Variants in TENM3 observed in about 807,000 individuals in gnomAD.
TENM3 encodes teneurin transmembrane protein 3.
Under a neutral mutation model 255.1 loss-of-function variants are expected in TENM3, and 63 were observed. The observed-to-expected ratio is 0.25, with a 90% confidence interval of 0.20 to 0.30. The LOEUF (loss-of-function observed/expected upper bound fraction) is 0.30, where lower values mean the gene tolerates loss of function less well. Ranked by LOEUF, TENM3 falls within the 10% of genes least tolerant of loss-of-function variation. The probability of loss-of-function intolerance (pLI) is 1.00; values close to 1 mark genes in which losing one functional copy is unlikely to be tolerated. For missense variants in TENM3, 2,929 were observed against 3,461.1 expected (o/e 0.85, Z 3.86); for synonymous variants, 1,306 against 1,322.3 (o/e 0.99, Z 0.27).
the TENM3 span, among the ~76,000 whole-genome samples, chr4:181,463,511 A>G: frequency 6.6e-6 from 1 of 152,224 alleles, no homozygotes; most frequent in African/African-American, 2.4e-5. Flanking sequence ...GGTAAAAACT[A>G]TGTGTTTATT....
At chr4:182,193,586 A>G (rs1753662631) in intron 1 of TENM3, among the ~76,000 whole-genome samples, 1 of 152,234 alleles carries the variant, frequency 6.6e-6, no homozygotes, top group Non-Finnish European at 1.5e-5. Flanking sequence ...TCCCAGGGGT[A>G]TAGCTCTTCA....
chr4:181,790,268 A>AG, the TENM3 span, among the ~76,000 whole-genome samples: 2 of 152,150 alleles, frequency 1.3e-5, no homozygotes, highest in Non-Finnish European at 2.9e-5. Flanking sequence ...CAGTAGAGAG[A>AG]GAAAAAAATT....
At chr4:181,695,685 T>G in the TENM3 span, among the ~76,000 whole-genome samples, 1 of 152,228 alleles carries the variant, frequency 6.6e-6, no homozygotes, top group Non-Finnish European at 1.5e-5. Flanking sequence ...TGTTTTGGGT[T>G]GAAAGTCTTC....
At chr4:181,566,734 A>G in the TENM3 span, among the ~76,000 whole-genome samples, 1 of 152,158 alleles carries the variant, frequency 6.6e-6, no homozygotes, top group Non-Finnish European at 1.5e-5. Context: ...CCGTGTGTTC[A>G]CACTACATCC....
Position 182,635,887 on chromosome 4 carries a change from G to A in TENM3, c.988+6998G>A, listed in dbSNP as rs137856295. Among the ~76,000 whole-genome samples, 675 of 152,260 alleles carry A rather than the reference G, an allele frequency of 4.4e-3. 5 individuals carry two copies. The highest frequency in any genetic ancestry group is 0.016 in the African/African-American group (648 of 41,542). On this transcript the variant is annotated intron_variant, in intron 5 of 27. Transcript: ENST00000511685. ...TACCTTGAAATTGATTATGGTAGTAGCTATATATGTGCAACTCAGGGTCAG... is the reference window on the plus strand; with the variant it reads ...TACCTTGAAATTGATTATGGTAGTAACTATATATGTGCAACTCAGGGTCAG...
chr4:182,293,431 C>G (rs11727792), intron 1 of TENM3, among the ~76,000 whole-genome samples: 239 of 152,202 alleles, frequency 1.6e-3, no homozygotes, highest in Middle Eastern at 3.4e-3. Flanking sequence ...GTGGAATTCA[C>G]TTACAGTAAA....
the TENM3 span, among the ~76,000 whole-genome samples, chr4:181,955,125 A>G: frequency 6.6e-6 from 1 of 152,224 alleles, no homozygotes; most frequent in African/African-American, 2.4e-5. Context: ...TGAGAAATTT[A>G]TCTCACAGGT....
At chr4:182,569,208 A>T (rs1744095059) in intron 3 of TENM3, among the ~76,000 whole-genome samples, 1 of 152,226 alleles carries the variant, frequency 6.6e-6, no homozygotes, top group African/African-American at 2.4e-5. Context: ...TTCTGAGATA[A>T]ACAAGAAGGA....
intron 3 of TENM3, among the ~76,000 whole-genome samples, chr4:182,374,049 T>C (rs1767018716): frequency 6.6e-6 from 1 of 152,100 alleles, no homozygotes; most frequent in African/African-American, 2.4e-5. Context: ...TATATATATA[T>C]GTATATTTAG....
intron 1 of TENM3, among the ~76,000 whole-genome samples, chr4:182,262,306 G>A (rs1255280130): frequency 1.3e-5 from 2 of 152,160 alleles, no homozygotes; most frequent in East Asian, 1.9e-4. Flanking sequence ...GAGCAACACC[G>A]TCTTGAATAG....
At chr4:182,763,834 G>T (rs2152772756) in intron 22 of TENM3, among the ~76,000 whole-genome samples, 1 of 152,194 alleles carries the variant, frequency 6.6e-6, no homozygotes, top group African/African-American at 2.4e-5. Context: ...TTTATGCAGT[G>T]GTTATTTATA....
the TENM3 span, among the ~76,000 whole-genome samples, chr4:181,473,708 A>AAT: frequency 2.1e-5 from 3 of 142,498 alleles, no homozygotes; most frequent in Non-Finnish European, 4.5e-5. Flanking sequence ...GCCCTTTTTC[A>AAT]ATATATATCT....
chr4:182,280,819 TAA>T (rs1300522831), intron 1 of TENM3, among the ~76,000 whole-genome samples: 2 of 152,216 alleles, frequency 1.3e-5, no homozygotes, highest in African/African-American at 2.4e-5. Context: ...GTAAAACAGA[TAA>T]GAGTGGAGAG....
chr4:182,740,400 T>C (rs1761513892), intron 18 of TENM3, among the ~76,000 whole-genome samples: 1 of 152,238 alleles, frequency 6.6e-6, no homozygotes, highest in African/African-American at 2.4e-5. Flanking sequence ...GGTTCAATCA[T>C]GGTCTTTTAA....
chr4:181,944,044 T>C, the TENM3 span, among the ~76,000 whole-genome samples: 1 of 152,152 alleles, frequency 6.6e-6, no homozygotes, highest in Non-Finnish European at 1.5e-5. Context: ...GTTGTACAAG[T>C]CCTTTTTGTC....
intron 3 of TENM3, among the ~76,000 whole-genome samples, chr4:182,580,720 A>T (rs1745405204): frequency 6.6e-6 from 1 of 152,198 alleles, no homozygotes; most frequent in Admixed American, 6.5e-5. Context: ...GTTTCAACTC[A>T]GTGCCAGGGC....
chr4:182,291,558 C>T (rs1761128188), intron 1 of TENM3, among the ~76,000 whole-genome samples: 2 of 152,134 alleles, frequency 1.3e-5, no homozygotes, highest in Admixed American at 1.3e-4. Flanking sequence ...CTCACAGCCT[C>T]CTGTGAGACT....
rs989259547 is a variant in TENM3, at chr4:182,640,714, T to A, written c.988+11825T>A. ...GAAGCAGGCTGGCAGTGTGGGCAAG[T>A]CTCCCAGGGATCAGAGACTGCAGCT... On this transcript the variant is annotated intron_variant, in intron 5 of 27. Transcript: ENST00000511685. Among the ~76,000 whole-genome samples, 13 of 152,152 alleles carry A rather than the reference T, an allele frequency of 8.5e-5. 1 individual carries two copies. The highest frequency in any genetic ancestry group is 6.5e-4 in the Admixed American group (10 of 15,274).
chr4:182,400,344 T>G (rs1024696823), intron 3 of TENM3, among the ~76,000 whole-genome samples: 2 of 152,226 alleles, frequency 1.3e-5, no homozygotes, highest in African/African-American at 4.8e-5. Flanking sequence ...GTTTTAAACA[T>G]TTGAAGTGCC....
Sources: gnomAD v4.1 joint callset for allele counts (sites outside exome capture counted in the v4.1 genomes callset) on GRCh38, gnomAD v4.1.1 for gene constraint, MANE v1.5 for transcripts, NCBI Gene and HGNC (gene_info 2026-07-23, HGNC 2026-07-21) for gene names.